CNTNAP2: variants seen among roughly 807,000 people sequenced by gnomAD.
CNTNAP2 encodes the protein contactin associated protein 2.
Under a neutral mutation model 155.2 loss-of-function variants are expected in CNTNAP2, and 98 were observed. That is an observed-to-expected ratio of 0.63 (90% CI 0.54 to 0.75). The LOEUF is 0.75. Ranked by LOEUF, CNTNAP2 falls within the 30% of genes least tolerant of loss-of-function variation. The probability of loss-of-function intolerance (pLI) is 0.00; values close to 1 mark genes in which losing one functional copy is unlikely to be tolerated. For synonymous variants in CNTNAP2, 651 were observed against 631.2 expected, an observed-to-expected ratio of 1.03 and a Z score of -0.47; for missense variants, 1,727 against 1,688.1, an observed-to-expected ratio of 1.02 and a Z score of -0.40.
At chr7:146,351,922 A>G (rs1794920013) in intron 1 of CNTNAP2, among the ~76,000 whole-genome samples, 1 of 152,202 alleles carries the variant, frequency 6.6e-6, no homozygotes, top group Non-Finnish European at 1.5e-5. Flanking sequence ...GAGTTTTAAA[A>G]CAACATAACG....
chr7:148,059,715 C>T (rs1308673217), intron 15 of CNTNAP2, among the ~76,000 whole-genome samples: 1 of 148,746 alleles, frequency 6.7e-6, no homozygotes, highest in South Asian at 2.1e-4. Flanking sequence ...AAAGAAATTT[C>T]TATATTTTAA....
chr7:147,416,281 C>A (rs535429751), intron 10 of CNTNAP2, among the ~76,000 whole-genome samples: 1 of 152,164 alleles, frequency 6.6e-6, no homozygotes, highest in African/African-American at 2.4e-5. Context: ...GAAACTCATG[C>A]GTGATCATGA....
At chr7:147,406,093 A>G (rs553714283) in intron 10 of CNTNAP2, among the ~76,000 whole-genome samples, 2 of 152,322 alleles carry the variant, frequency 1.3e-5, no homozygotes, top group South Asian at 4.1e-4. Context: ...AACATATTGA[A>G]GACTTGTATC....
rs140286004 is a variant in CNTNAP2 at position 147,431,515 on chromosome 7, A to T, written c.1670+35735A>T. 7.6e-4 allele frequency among the ~76,000 whole-genome samples: 116 copies of T among 152,240 alleles called. 2 individuals carry two copies. The highest frequency in any genetic ancestry group is 2.7e-3 in the African/African-American group (111 of 41,546). On this transcript the variant is annotated intron_variant, in intron 10 of 23. Transcript: ENST00000361727. ...CCTACAACCTCTGCTTCTCTTTACAATAAAGACTTGTACAAGAGTTGTCTC... is the reference window on the plus strand; with the variant it reads ...CCTACAACCTCTGCTTCTCTTTACATTAAAGACTTGTACAAGAGTTGTCTC...
chr7:146,560,478 A>G (rs1001864492), intron 1 of CNTNAP2, among the ~76,000 whole-genome samples: 5 of 151,400 alleles, frequency 3.3e-5, no homozygotes, highest in African/African-American at 7.3e-5. Flanking sequence ...GTGTGTGTGT[A>G]TATATATATA....
At chr7:147,886,579 G>A (rs931098518) in intron 13 of CNTNAP2, among the ~76,000 whole-genome samples, 1 of 147,222 alleles carries the variant, frequency 6.8e-6, no homozygotes, top group African/African-American at 2.5e-5. Context: ...AAGTTGCTAT[G>A]TCAGAGGGCT....
intron 1 of CNTNAP2, among the ~76,000 whole-genome samples, chr7:146,330,412 G>T (rs866080747): frequency 6.6e-6 from 1 of 152,046 alleles, no homozygotes; most frequent in Non-Finnish European, 1.5e-5. Flanking sequence ...TTTGAAGGTG[G>T]TGATATGGGT....
At chr7:146,492,457 TA>T (rs1475227764) in intron 1 of CNTNAP2, among the ~76,000 whole-genome samples, 1 of 152,244 alleles carries the variant, frequency 6.6e-6, no homozygotes, top group Non-Finnish European at 1.5e-5. Flanking sequence ...AGTTTCATCT[TA>T]GTTCCTTGGT....
chr7:146,451,147 C>T (rs1796474600), intron 1 of CNTNAP2, among the ~76,000 whole-genome samples: 1 of 152,038 alleles, frequency 6.6e-6, no homozygotes, highest in African/African-American at 2.4e-5. Flanking sequence ...GGGGTTTCAC[C>T]GTGTTAGCCA....
At chr7:148,287,795 C>T (rs4493824) in intron 21 of CNTNAP2, among the ~76,000 whole-genome samples, 5,509 of 72,854 alleles carry the variant, frequency 0.076, 613 homozygotes, top group Middle Eastern at 0.11. Flanking sequence ...TTCTTTTTTT[C>T]TTTTTTTTTT....
At chr7:146,929,818 C>T (rs555172129) in intron 3 of CNTNAP2, among the ~76,000 whole-genome samples, 1 of 152,042 alleles carries the variant, frequency 6.6e-6, no homozygotes, top group Non-Finnish European at 1.5e-5. Context: ...CCAATGCGAT[C>T]AACCGGAAGA....
intron 1 of CNTNAP2, among the ~76,000 whole-genome samples, chr7:146,261,875 G>A (rs1423379843): frequency 6.6e-6 from 1 of 152,076 alleles, no homozygotes; most frequent in Non-Finnish European, 1.5e-5. Context: ...TGTTTGAAAG[G>A]CATTGAAACC....
chr7:146,884,077 A>G (rs929521615), intron 3 of CNTNAP2, among the ~76,000 whole-genome samples: 3 of 152,092 alleles, frequency 2.0e-5, no homozygotes, highest in Non-Finnish European at 4.4e-5. Context: ...ACTCCGTAAT[A>G]TAATTGTCCC....
intron 13 of CNTNAP2, among the ~76,000 whole-genome samples, chr7:147,646,101 G>A (rs940407924): frequency 4.6e-5 from 7 of 152,170 alleles, no homozygotes; most frequent in African/African-American, 1.7e-4. Context: ...ATGTCTGGGA[G>A]GCCAGCTGGG....
At chr7:146,647,560 G>T (rs952552619) in intron 1 of CNTNAP2, among the ~76,000 whole-genome samples, 3 of 152,144 alleles carry the variant, frequency 2.0e-5, no homozygotes, top group Non-Finnish European at 2.9e-5. Flanking sequence ...ATTTAAAAAG[G>T]TTTAAAATTC....
chr7:147,556,006 C>A (rs1006340524), intron 11 of CNTNAP2, among the ~76,000 whole-genome samples: 3 of 152,246 alleles, frequency 2.0e-5, no homozygotes, highest in Admixed American at 6.5e-5. Flanking sequence ...TTTTGGCAAT[C>A]CTGTATAGGC....
intron 1 of CNTNAP2, among the ~76,000 whole-genome samples, chr7:146,406,473 T>A (rs1795793871): frequency 6.6e-6 from 1 of 152,178 alleles, no homozygotes; most frequent in African/African-American, 2.4e-5. Flanking sequence ...GAACTGGACT[T>A]TTCTTTCTTC....
intron 16 of CNTNAP2, among the ~76,000 whole-genome samples, chr7:148,121,325 G>T (rs923799804): frequency 6.6e-6 from 1 of 152,148 alleles, no homozygotes; most frequent in Admixed American, 6.6e-5. Context: ...GAGCCACCAC[G>T]CCTGGCCGCT....
intron 1 of CNTNAP2, among the ~76,000 whole-genome samples, chr7:146,424,637 G>C (rs1328680103): frequency 2.0e-5 from 3 of 152,278 alleles, no homozygotes; most frequent in African/African-American, 7.2e-5. Context: ...TTATCATTTA[G>C]AGAAAGTTTT....
Sources: allele counts gnomAD v4.1 joint callset (sites outside exome capture counted in the v4.1 genomes callset), GRCh38; gene constraint gnomAD v4.1.1; transcripts MANE v1.5; gene names NCBI Gene and HGNC (gene_info 2026-07-23, HGNC 2026-07-21).